COL6A6: variants seen among roughly 807,000 people sequenced by gnomAD.
COL6A6 encodes the protein collagen type VI alpha 6 chain.
COL6A6 carries 183 observed loss-of-function variants against 208.6 expected under a neutral mutation model. The ratio of observed to expected loss-of-function variants is 0.88; its 90% confidence interval spans 0.78 to 0.99. COL6A6 has a LOEUF of 0.99. Among genes scored for constraint, COL6A6 ranks in the 50% least tolerant of loss-of-function variants. The pLI is 0.00. For missense variants in COL6A6, 2,816 were observed against 2,815.2 expected, an observed-to-expected ratio of 1.00 and a Z score of -0.01; for synonymous variants, 973 against 1,011.8, an observed-to-expected ratio of 0.96 and a Z score of 0.73.
rs550223104 is a variant in COL6A6, at chr3:130,676,923, G to A, written c.*1526G>A. The A allele has an allele frequency of 1.3e-5, 2 of 152,212 alleles. No individual in the cohort carries two copies. Among genetic ancestry groups the A allele is most frequent in the East Asian group, 3.9e-4 (2 of 5,178 alleles). The allele number at this position is 152,212 out of a possible 1,614,324, so 9.4% of individuals were successfully genotyped here. ...TATTTACAATGTATTTTAATAAAAG[G>A]GATTTTTCTAGTTAACTCTGAGTTA... On this transcript the variant is annotated 3_prime_UTR_variant, in exon 37 of 37. Coordinates refer to ENST00000358511, the MANE Select transcript of COL6A6 (RefSeq NM_001102608.3).
At chr3:130,571,777 T>G (rs989156719) in intron 7 of COL6A6, among the ~76,000 whole-genome samples, 3 of 151,450 alleles carry the variant, frequency 2.0e-5, no homozygotes, top group Non-Finnish European at 4.4e-5. Context: ...AGGACTCAGG[T>G]GATCATCCTG....
At chr3:130,610,817 C>G (rs750051383) in intron 23 of COL6A6, 106 bp downstream of exon 23, 5 of 789,728 alleles carry the variant, frequency 6.3e-6, no homozygotes, top group South Asian at 1.8e-5. Flanking sequence ...GAACCAGGAA[C>G]GTGTATTAGG....
intron 24 of COL6A6, 113 bp from the exon 25 acceptor site, chr3:130,626,372 A>G (rs963503337): frequency 1.1e-5 from 9 of 786,746 alleles, no homozygotes; most frequent in Non-Finnish European, 2.0e-5. Context: ...TATCACTTGC[A>G]CGACACACAG....
chr3:130,660,007 A>G (rs2065898408), intron 34 of COL6A6, among the ~76,000 whole-genome samples: 1 of 152,196 alleles, frequency 6.6e-6, no homozygotes, highest in Admixed American at 6.5e-5. Flanking sequence ...TGCTTTACAT[A>G]CTGTGGGGAG....
chr3:130,625,320 T>TC (rs2064853300), intron 24 of COL6A6, among the ~76,000 whole-genome samples: 1 of 152,098 alleles, frequency 6.6e-6, no homozygotes, highest in African/African-American at 2.4e-5. Flanking sequence ...ATGTGATGAT[T>TC]CCCCACCTTT....
chr3:130,616,090 A>G (rs985561604), intron 23 of COL6A6, among the ~76,000 whole-genome samples: 2 of 152,136 alleles, frequency 1.3e-5, no homozygotes, highest in African/African-American at 2.4e-5. Context: ...ACAATTTTTT[A>G]TGTTTAGGAC....
intron 26 of COL6A6, among the ~76,000 whole-genome samples, 166 bp downstream of exon 26, chr3:130,627,535 A>T (rs746519190): frequency 2.0e-5 from 3 of 152,226 alleles, no homozygotes; most frequent in Non-Finnish European, 4.4e-5. Flanking sequence ...AATGTGATAG[A>T]AAAGAATGTG....
chr3:130,553,116 A>G (rs909278576), intron 1 of COL6A6, among the ~76,000 whole-genome samples: 1 of 151,902 alleles, frequency 6.6e-6, no homozygotes, highest in African/African-American at 2.4e-5. Flanking sequence ...TCTGATGACT[A>G]TGTGTCTTGG....
intron 1 of COL6A6, among the ~76,000 whole-genome samples, chr3:130,520,780 T>C (rs879514374): frequency 1.3e-5 from 2 of 152,234 alleles, no homozygotes; most frequent in Admixed American, 6.5e-5. Flanking sequence ...TCTCTACTTC[T>C]GAAGTTCAGT....
intron 1 of COL6A6, among the ~76,000 whole-genome samples, chr3:130,552,530 T>C (rs1036980020): frequency 3.3e-5 from 5 of 152,206 alleles, no homozygotes; most frequent in African/African-American, 1.2e-4. Flanking sequence ...ATAGGTGTCA[T>C]TGCATGTGAG....
At chr3:130,518,144 T>C (rs1710851505) in intron 1 of COL6A6, among the ~76,000 whole-genome samples, 1 of 152,190 alleles carries the variant, frequency 6.6e-6, no homozygotes, top group African/African-American at 2.4e-5. Context: ...AAAAGTCTAC[T>C]CTATGGATAT....
chr3:130,535,304 A>G (rs1239179470), intron 1 of COL6A6, among the ~76,000 whole-genome samples: 3 of 152,160 alleles, frequency 2.0e-5, no homozygotes, highest in Non-Finnish European at 4.4e-5. Flanking sequence ...TCCAGTGCAC[A>G]TATTTTCCAT....
At chr3:130,521,509 A>C (rs1191415878) in intron 1 of COL6A6, among the ~76,000 whole-genome samples, 1 of 152,254 alleles carries the variant, frequency 6.6e-6, no homozygotes, top group African/African-American at 2.4e-5. Flanking sequence ...GGACAGCTAG[A>C]AACTTTAATG....
chr3:130,658,598 G>A (rs2065858825), intron 33 of COL6A6, 78 bp from the exon 34 acceptor site: 4 of 895,542 alleles, frequency 4.5e-6, no homozygotes, highest in African/African-American at 1.7e-5. Flanking sequence ...CTCTCCAGAT[G>A]TCAGTTCTCT....
chr3:130,583,973 A>G (rs2063481109), intron 10 of COL6A6, among the ~76,000 whole-genome samples: 1 of 152,212 alleles, frequency 6.6e-6, no homozygotes, highest in African/African-American at 2.4e-5. Context: ...GAGACAAGGA[A>G]AAAACAATCC....
chr3:130,574,389 T>C lies in COL6A6; in HGVS notation c.3411T>C (p.Ile1137=). 1.2e-6 allele frequency: 2 copies of C among 1,613,992 alleles called. No individual in the cohort carries two copies. Among genetic ancestry groups the C allele is most frequent in the Non-Finnish European group, 1.7e-6 (2 of 1,179,890 alleles). The part of the protein sequence containing the change: ...HRGIDIYSVG[I]GDVDDQQLIQ... ...GTATCGACATCTACTCCGTGGGCAT[T>C]GGGGATGTGGATGACCAGCAGCTCA... The change falls in exon 8 of 37, where the codon ATT becomes ATC. Residue 1137 remains isoleucine, a synonymous_variant. Transcript: ENST00000358511.
intron 1 of COL6A6, among the ~76,000 whole-genome samples, chr3:130,535,155 G>A (rs2403319): frequency 0.7 from 105,799 of 151,552 alleles, 40,860 homozygotes; most frequent in Non-Finnish European, 0.87. Context: ...TTAGACCCAT[G>A]TCAGTTGTTC....
rs1398187886 is a variant in COL6A6, at chr3:130,662,178, G to T, written c.6372G>T (p.Trp2124Cys). ...TTGTGTTTTCCCTTGGCCCTATTTG[G>T]GATGACAAGGAACTGGAGGATCTCG... ...ALFVFSLGPIWDDKELEDLAS... is the reference protein window; with the variant it reads ...ALFVFSLGPICDDKELEDLAS... Residue 2124 changes from tryptophan (W) to cysteine (C), a missense_variant, in exon 35 of 37, where the codon TGG (tryptophan) becomes TGT (cysteine). Transcript: ENST00000358511. The T allele has an allele frequency of 4.3e-6, 7 of 1,613,824 alleles. No homozygotes were observed. Among genetic ancestry groups the T allele is most frequent in the Middle Eastern group, 1.6e-4 (1 of 6,084 alleles).
At chr3:130,592,420 A>G in intron 13 of COL6A6, 121 bp from the exon 14 acceptor site, 1 of 717,818 alleles carries the variant, frequency 1.4e-6, no homozygotes, top group South Asian at 1.9e-5. Flanking sequence ...ATAAGCAAGA[A>G]CTCTGGATTG....
Sources: gnomAD v4.1 joint callset for allele counts (sites outside exome capture counted in the v4.1 genomes callset) on GRCh38, gnomAD v4.1.1 for gene constraint, MANE v1.5 for transcripts, NCBI Gene and HGNC (gene_info 2026-07-23, HGNC 2026-07-21) for gene names.